ADCY2: variants seen among roughly 807,000 people sequenced by gnomAD.
ADCY2 encodes the protein adenylate cyclase 2, also known as adenylate cyclase type 2.
ADCY2 carries 31 observed loss-of-function variants against 125.2 expected under a neutral mutation model. The observed-to-expected ratio is 0.25, with a 90% CI of 0.19 to 0.33. The LOEUF (loss-of-function observed/expected upper bound fraction) is 0.33. Ranked by LOEUF, ADCY2 falls within the 10% of genes least tolerant of loss-of-function variation. The pLI, the probability that ADCY2 is intolerant of heterozygous loss-of-function variation, is 1.00. For missense variants in ADCY2, 904 were observed against 1,418.2 expected, an observed-to-expected ratio of 0.64 and a Z score of 5.82; for synonymous variants, 512 against 548.4, an observed-to-expected ratio of 0.93 and a Z score of 0.93.
chr5:7,611,810 C>G (rs1737578274), intron 3 of ADCY2, among the ~76,000 whole-genome samples: 1 of 152,160 alleles, frequency 6.6e-6, no homozygotes, highest in Admixed American at 6.6e-5. Flanking sequence ...GCCCAGTAAG[C>G]ATAAGTGTGT....
chr5:7,435,146 C>T lies in ADCY2; in HGVS notation c.408+20376C>T, dbSNP rs117085313. On this transcript the variant is annotated intron_variant, in intron 2 of 24. Transcript: ENST00000338316. ...GAGTATCACTGTCACACTATGTGGT[C>T]GCTATGTTGTGCCACGGTCTTGGGC... 7.9e-5 allele frequency among the ~76,000 whole-genome samples: 12 copies of T among 152,228 alleles called. No individual in the cohort carries two copies. The East Asian group carries it at 1.3e-3, about 17-fold the overall frequency.
chr5:7,814,970 C>A (rs1017338733), intron 22 of ADCY2, among the ~76,000 whole-genome samples: 4 of 152,168 alleles, frequency 2.6e-5, no homozygotes, highest in Admixed American at 6.5e-5. Context: ...ATGTCCTAGC[C>A]CAGGGCATAT....
chr5:7,779,569 G>T (rs1324813121), intron 18 of ADCY2, among the ~76,000 whole-genome samples: 2 of 13,328 alleles, frequency 1.5e-4, no homozygotes, highest in African/African-American at 2.2e-4. Flanking sequence ...AGCACTCCCA[G>T]TCCAACCCCC....
At chr5:7,486,268 G>C (rs1304515277) in intron 2 of ADCY2, among the ~76,000 whole-genome samples, 2 of 152,172 alleles carry the variant, frequency 1.3e-5, no homozygotes, top group African/African-American at 2.4e-5. Context: ...ACACAGTTGT[G>C]AATGGGCACA....
At chr5:7,468,257 C>T (rs527374282) in intron 2 of ADCY2, among the ~76,000 whole-genome samples, 56 of 152,022 alleles carry the variant, frequency 3.7e-4, no homozygotes, top group Non-Finnish European at 7.5e-4. Flanking sequence ...GAATTAAAAT[C>T]GGAGACAGGG....
At chr5:7,486,866 G>A (rs887615446) in intron 2 of ADCY2, among the ~76,000 whole-genome samples, 3 of 152,194 alleles carry the variant, frequency 2.0e-5, no homozygotes, top group African/African-American at 7.2e-5. Context: ...TCCAAGGTAG[G>A]CAAGTCAGAA....
At chr5:7,563,856 A>T (rs1426297288) in intron 3 of ADCY2, among the ~76,000 whole-genome samples, 1 of 152,190 alleles carries the variant, frequency 6.6e-6, no homozygotes, top group Admixed American at 6.5e-5. Flanking sequence ...CCCGTTGTTT[A>T]TGTTCCATAA....
intron 13 of ADCY2, among the ~76,000 whole-genome samples, chr5:7,725,159 A>G (rs1470856181): frequency 6.6e-6 from 1 of 152,232 alleles, no homozygotes; most frequent in East Asian, 1.9e-4. Flanking sequence ...GTCAAGCTAT[A>G]TATGGGTTTG....
intron 2 of ADCY2, among the ~76,000 whole-genome samples, chr5:7,507,927 TA>T (rs925601060): frequency 2.6e-5 from 4 of 151,556 alleles, no homozygotes; most frequent in Admixed American, 1.3e-4. Context: ...ATTGTAAAAT[TA>T]AAAAAAAACT....
intron 7 of ADCY2, among the ~76,000 whole-genome samples, chr5:7,704,395 T>G (rs1172353611): frequency 3.3e-5 from 5 of 152,202 alleles, no homozygotes; most frequent in Non-Finnish European, 7.3e-5. Context: ...TTCCAATGCT[T>G]AGAAACATTT....
At chr5:7,444,680 A>G (rs564555983) in intron 2 of ADCY2, among the ~76,000 whole-genome samples, 11 of 152,272 alleles carry the variant, frequency 7.2e-5, no homozygotes, top group Non-Finnish European at 1.0e-4. Context: ...AGGGCAAAGG[A>G]TGAGCATGAT....
At chr5:7,698,024 A>AT (rs1307190327) in intron 6 of ADCY2, among the ~76,000 whole-genome samples, 1 of 151,794 alleles carries the variant, frequency 6.6e-6, no homozygotes, top group Non-Finnish European at 1.5e-5. Context: ...CTTCTTTCTC[A>AT]TTTTTTCCCC....
At position 7,626,177 on chromosome 5, in the gene ADCY2, A is replaced by G. The variant is rs1461355820; in HGVS notation, c.581A>G (p.Asn194Ser). Reference sequence around the variant, plus strand: ...TTTCTGTCTCTTTAGATCCTGGCCAATGTGATCATTTTCATCTGTGGGAAC... The same window carrying G: ...TTTCTGTCTCTTTAGATCCTGGCCAGTGTGATCATTTTCATCTGTGGGAAC... Reference protein sequence around the residue: ...KEHLVWQILANVIIFICGNLA... With the variant: ...KEHLVWQILASVIIFICGNLA... The change falls in exon 4 of 25, where the codon AAT becomes AGT. Residue 194 changes from asparagine to serine, a missense_variant. Transcript: ENST00000338316. The G allele has an allele frequency of 1.2e-6, 2 of 1,613,816 alleles. No homozygotes were observed. The highest frequency in any genetic ancestry group is 1.7e-6 in the Non-Finnish European group (2 of 1,179,914).
intron 18 of ADCY2, among the ~76,000 whole-genome samples, chr5:7,781,488 A>T (rs145998979): frequency 1.3e-5 from 2 of 152,290 alleles, no homozygotes; most frequent in African/African-American, 2.4e-5. Context: ...CCACGTGATG[A>T]TGAAGGCAGG....
chr5:7,680,993 G>T (rs917176399), intron 4 of ADCY2, among the ~76,000 whole-genome samples: 1 of 152,214 alleles, frequency 6.6e-6, no homozygotes, highest in South Asian at 2.1e-4. Context: ...GGATATGTAT[G>T]TGTAGAAAAT....
chr5:7,802,195 G>A lies in ADCY2; in HGVS notation c.2629-23G>A. 6.2e-7 allele frequency: 1 copy of A among 1,611,816 alleles called. No homozygotes were observed. Among genetic ancestry groups the A allele is most frequent in the Non-Finnish European group, 8.5e-7 (1 of 1,179,396 alleles). ...TTAAAGGTCAGTCTCCTAGTGATCA[G>A]CTCTTGCTTTTCTCCCAAGCAGGAG... On this transcript the variant is annotated intron_variant, in intron 20 of 24. Transcript: ENST00000338316. This position sits in a 1 kb window ranked among gnomAD's most constrained non-coding sequence, Gnocchi z 4.6.
At chr5:7,795,769 C>T (rs549711074) in intron 20 of ADCY2, 1 of 152,300 alleles carries the variant, frequency 6.6e-6, no homozygotes, top group African/African-American at 2.4e-5. Flanking sequence ...GTGAATATCA[C>T]TATCAAGCGA....
intron 3 of ADCY2, among the ~76,000 whole-genome samples, chr5:7,563,915 A>ATTTAAACAAAGGC (rs1306044716): frequency 6.6e-6 from 1 of 152,212 alleles, no homozygotes; most frequent in Non-Finnish European, 1.5e-5. Context: ...ACTACAGTTG[A>ATTTAAACAAAGGC]TTTAAACAAA....
chr5:7,583,976 A>G (rs1354317338), intron 3 of ADCY2, among the ~76,000 whole-genome samples: 1 of 152,236 alleles, frequency 6.6e-6, no homozygotes, highest in East Asian at 1.9e-4. Context: ...CCCAATGCAA[A>G]GTGTACTGAG....
Sources: gnomAD v4.1 joint callset for allele counts (sites outside exome capture counted in the v4.1 genomes callset) on GRCh38, gnomAD v4.1.1 for gene constraint, Gnocchi (gnomAD v3.1) non-coding constraint, MANE v1.5 for transcripts, NCBI Gene and HGNC (gene_info 2026-07-23, HGNC 2026-07-21) for gene names.